DCT: variants seen among roughly 807,000 people sequenced by gnomAD.
DCT encodes the protein dopachrome tautomerase.
A neutral mutation model predicts 53.0 loss-of-function variants in DCT; 47 were observed. The observed-to-expected ratio is 0.89, with a 90% CI of 0.70 to 1.13. The LOEUF (loss-of-function observed/expected upper bound fraction) is 1.13. Ranked by LOEUF, DCT falls within the 50% of genes most tolerant of loss-of-function variation. DCT has a pLI of 0.00. For missense variants in DCT, 669 were observed against 637.4 expected (o/e 1.05, Z -0.53); for synonymous variants, 244 against 237.0 (o/e 1.03, Z -0.27).
the DCT span, among the ~76,000 whole-genome samples, chr13:94,518,018 C>T: frequency 2.7e-5 from 4 of 146,988 alleles, no homozygotes; most frequent in South Asian, 2.2e-4. Flanking sequence ...TGAGGTGGGA[C>T]GATCACTTGA....
chr13:94,456,111 T>C (rs569111730), intron 6 of DCT, among the ~76,000 whole-genome samples: 1 of 152,188 alleles, frequency 6.6e-6, no homozygotes, highest in Non-Finnish European at 1.5e-5. Context: ...AAAGCAAAGA[T>C]CGCTGTGGCG....
At chr13:94,445,637 G>A (rs1218214401) in intron 6 of DCT, 4 of 899,114 alleles carry the variant, frequency 4.4e-6, no homozygotes, top group Non-Finnish European at 5.3e-6. Context: ...GAGTGTTTGG[G>A]TAATCGTAAT....
chr13:94,540,792 A>G, the DCT span, among the ~76,000 whole-genome samples: 2 of 152,332 alleles, frequency 1.3e-5, no homozygotes, highest in African/African-American at 2.4e-5. Flanking sequence ...CAATCCCACT[A>G]CTAGGTAAAT....
the DCT span, among the ~76,000 whole-genome samples, chr13:94,540,671 A>C: frequency 4.6e-5 from 7 of 152,234 alleles, no homozygotes; most frequent in Non-Finnish European, 1.0e-4. Context: ...GATGTGGAGA[A>C]AGGGGAACCC....
the DCT span, among the ~76,000 whole-genome samples, chr13:94,496,211 T>C: frequency 1.3e-5 from 2 of 152,178 alleles, no homozygotes; most frequent in Non-Finnish European, 2.9e-5. Context: ...TTTATTTTTA[T>C]TTTAAGATGG....
rs1241170499 is a variant in DCT at position 94,472,513 on chromosome 13, CATACATACATAT to C, written c.296-3480_296-3469del. Among the ~76,000 whole-genome samples the C allele has an allele frequency of 6.4e-3, 240 of 37,460 alleles. 15 individuals are homozygous for C. The highest frequency in any genetic ancestry group is 8.0e-3 in the Non-Finnish European group (158 of 19,652). 24.6% of individuals were successfully genotyped at this position (37,460 alleles called of 152,430 possible). On this transcript the variant is annotated intron_variant, in intron 1 of 7. Coordinates refer to ENST00000377028, the MANE Select transcript of DCT (RefSeq NM_001922.5). ...TGGTATACAGTGAGTTAAATATATA[CATACATACATAT>C]ATATATATATATATATATATATATA... is the stretch of plus-strand genomic sequence containing the variant.
the DCT span, among the ~76,000 whole-genome samples, chr13:94,487,352 G>A: frequency 6.6e-6 from 1 of 152,200 alleles, no homozygotes; most frequent in African/African-American, 2.4e-5. Context: ...TAAGTGAAAA[G>A]GGATGTTCTG....
chr13:94,523,706 C>G, the DCT span, among the ~76,000 whole-genome samples: 2 of 152,190 alleles, frequency 1.3e-5, no homozygotes, highest in Non-Finnish European at 2.9e-5. Context: ...CCATTCTGAT[C>G]AGAGACACTT....
intron 6 of DCT, chr13:94,444,455 A>C: frequency 7.9e-6 from 4 of 505,590 alleles, no homozygotes; most frequent in South Asian, 5.8e-5. Flanking sequence ...GTAATGTACA[A>C]AGTGCTCATT....
the DCT span, among the ~76,000 whole-genome samples, chr13:94,505,040 G>C: frequency 6.6e-6 from 1 of 151,934 alleles, no homozygotes; most frequent in Admixed American, 6.6e-5. Flanking sequence ...TGGATGCTCA[G>C]TTAGGCTTGA....
chr13:94,523,008 T>G, the DCT span, among the ~76,000 whole-genome samples: 1 of 152,198 alleles, frequency 6.6e-6, no homozygotes, highest in Non-Finnish European at 1.5e-5. Flanking sequence ...CATTTACCAT[T>G]ACCTTCATTT....
intron 6 of DCT, among the ~76,000 whole-genome samples, chr13:94,456,252 C>T (rs1883407887): frequency 6.6e-6 from 1 of 152,122 alleles, no homozygotes; most frequent in African/African-American, 2.4e-5. Context: ...AACAACTCTA[C>T]CAACTAATTC....
chr13:94,502,259 T>C, the DCT span, among the ~76,000 whole-genome samples: 1 of 147,972 alleles, frequency 6.8e-6, no homozygotes, highest in Non-Finnish European at 1.5e-5. Context: ...GAGGCTCTGC[T>C]GAGGGTGCCT....
intron 6 of DCT, among the ~76,000 whole-genome samples, chr13:94,448,566 A>G (rs994088696): frequency 9.2e-5 from 14 of 152,222 alleles, no homozygotes; most frequent in African/African-American, 3.4e-4. Context: ...TAAAGGGTCA[A>G]ATGTCATTTG....
chr13:94,545,810 C>T, the DCT span, among the ~76,000 whole-genome samples: 2 of 151,944 alleles, frequency 1.3e-5, no homozygotes, highest in African/African-American at 4.8e-5. Flanking sequence ...CACCTGCTTC[C>T]CGATCACTCC....
At chr13:94,527,823 G>C in the DCT span, among the ~76,000 whole-genome samples, 3,572 of 152,240 alleles carry the variant, frequency 0.023, 147 homozygotes, top group African/African-American at 0.082. Flanking sequence ...CAGAAGGTCG[G>C]TAATAACAAA....
At chr13:94,472,560 ATATATATATTTTTTTTT>A in intron 1 of DCT, among the ~76,000 whole-genome samples, 1 of 20,272 alleles carries the variant, frequency 4.9e-5, no homozygotes, top group African/African-American at 2.8e-4. Flanking sequence ...ATATATATAT[ATATATATATTTTTTTTT>A]TTTTTTTTTT....
the DCT span, among the ~76,000 whole-genome samples, chr13:94,521,788 T>C: frequency 1.3e-5 from 2 of 152,248 alleles, no homozygotes; most frequent in Non-Finnish European, 2.9e-5. Flanking sequence ...TCACTCATTT[T>C]AAATACACAA....
intron 2 of DCT, chr13:94,467,355 GT>G (rs149276772): frequency 0.052 from 7,873 of 152,282 alleles, 297 homozygotes; most frequent in Non-Finnish European, 0.079. Context: ...AGCTTTGATG[GT>G]TATGTGGAAA....
Sources: gnomAD v4.1 joint callset for allele counts (sites outside exome capture counted in the v4.1 genomes callset) on GRCh38, gnomAD v4.1.1 for gene constraint, MANE v1.5 for transcripts, NCBI Gene and HGNC (gene_info 2026-07-23, HGNC 2026-07-21) for gene names.